LMO7: variants seen among roughly 807,000 people sequenced by gnomAD.
LMO7 encodes LIM domain only protein 7.
In LMO7, 120 loss-of-function variants were observed where a neutral mutation model predicts 206.5. That is an observed-to-expected ratio of 0.58 (90% CI 0.50 to 0.68). The LOEUF is 0.68. Among genes scored for constraint, LMO7 ranks in the 30% least tolerant of loss-of-function variants. The pLI is 0.00. For missense variants in LMO7, 1,959 were observed against 1,957.9 expected (o/e 1.00, Z -0.01); for synonymous variants, 706 against 681.5 (o/e 1.04, Z -0.56).
chr13:75,732,000 A>G (rs945616867), intron 3 of LMO7, among the ~76,000 whole-genome samples: 2 of 152,150 alleles, frequency 1.3e-5, no homozygotes, highest in African/African-American at 2.4e-5. Context: ...ATCCGCTGTT[A>G]GTCTGATGGG....
intron 4 of LMO7, among the ~76,000 whole-genome samples, chr13:75,781,926 T>C (rs2051520327): frequency 6.6e-6 from 1 of 152,232 alleles, no homozygotes; most frequent in Non-Finnish European, 1.5e-5. Flanking sequence ...AAATATCTTC[T>C]TTTGAGAAGT....
Position 75,800,556 on chromosome 13 carries a change from GA to G in LMO7, c.463-125del, listed in dbSNP as rs1484349130. ...TCAGCTTTTTGCTGTGTCCGACAGA[GA>G]AACCTCATGCCTTACATGTCAAATA... On this transcript the variant is annotated intron_variant, in intron 6 of 30. Coordinates refer to ENST00000377534, the MANE Select transcript of LMO7 (RefSeq NM_001306080.2). The G allele has an allele frequency of 3.5e-5, 27 of 782,196 alleles. No homozygotes were observed. The African/African-American group carries it at 3.8e-4, about 11-fold the overall frequency. 48.5% of individuals were successfully genotyped at this position (782,196 alleles called of 1,614,324 possible).
chr13:75,737,866 A>T (rs1177575045), intron 3 of LMO7, among the ~76,000 whole-genome samples: 1 of 142,368 alleles, frequency 7.0e-6, no homozygotes, highest in Non-Finnish European at 1.5e-5. Flanking sequence ...AAAAAAAAAC[A>T]CAGTACAAAA....
chr13:75,704,988 A>G (rs1489471471), intron 1 of LMO7, among the ~76,000 whole-genome samples: 4 of 152,240 alleles, frequency 2.6e-5, no homozygotes, highest in Non-Finnish European at 4.4e-5. Flanking sequence ...TTTCTTCTAC[A>G]GAACCTGTTT....
intron 1 of LMO7, among the ~76,000 whole-genome samples, chr13:75,697,833 CT>C (rs1470540935): frequency 6.6e-6 from 1 of 152,172 alleles, no homozygotes; most frequent in Non-Finnish European, 1.5e-5. Context: ...GTCAGTGTAT[CT>C]ACTTTTGAGA....
intron 1 of LMO7, among the ~76,000 whole-genome samples, chr13:75,710,513 C>T (rs1485400262): frequency 2.6e-5 from 4 of 151,874 alleles, no homozygotes; most frequent in Non-Finnish European, 5.9e-5. Flanking sequence ...AGGTCCTTCA[C>T]ATCCCTTGTA....
intron 1 of LMO7, among the ~76,000 whole-genome samples, chr13:75,679,196 C>T (rs2040275978): frequency 6.6e-6 from 1 of 152,144 alleles, no homozygotes; most frequent in African/African-American, 2.4e-5. Context: ...AATAGACTAG[C>T]TGCATGTGTT....
At chr13:75,829,439 A>G (rs1159197416) in intron 15 of LMO7, among the ~76,000 whole-genome samples, 1 of 152,110 alleles carries the variant, frequency 6.6e-6, no homozygotes, top group Non-Finnish European at 1.5e-5. Context: ...GAGATGGATC[A>G]GGATTTAGAG....
At chr13:75,673,361 G>A (rs939659751) in intron 1 of LMO7, among the ~76,000 whole-genome samples, 2 of 152,136 alleles carry the variant, frequency 1.3e-5, no homozygotes, top group African/African-American at 4.8e-5. Context: ...GCTTGGGGTG[G>A]CCATGTGTCC....
intron 12 of LMO7, among the ~76,000 whole-genome samples, chr13:75,818,904 T>C (rs2057316340): frequency 6.6e-6 from 1 of 152,208 alleles, no homozygotes; most frequent in Non-Finnish European, 1.5e-5. Flanking sequence ...ATGTGTGTAT[T>C]AATAGTTCCT....
intron 9 of LMO7, chr13:75,807,199 T>A: frequency 2.8e-6 from 1 of 352,454 alleles, no homozygotes; most frequent in Non-Finnish European, 5.2e-6. Flanking sequence ...GGGTACCTAG[T>A]CCATGCTCCA....
At chr13:75,823,262 A>G (rs2057784192) in intron 14 of LMO7, among the ~76,000 whole-genome samples, 1 of 152,180 alleles carries the variant, frequency 6.6e-6, no homozygotes. Flanking sequence ...ATATATGGCA[A>G]TTTCATTTTA....
intron 4 of LMO7, among the ~76,000 whole-genome samples, chr13:75,776,630 T>C (rs546189892): frequency 2.6e-5 from 4 of 152,298 alleles, no homozygotes; most frequent in Non-Finnish European, 5.9e-5. Flanking sequence ...GAGATAAATA[T>C]AGTGTAAAAA....
chr13:75,692,614 G>A (rs2041584250), intron 1 of LMO7, among the ~76,000 whole-genome samples: 1 of 152,084 alleles, frequency 6.6e-6, no homozygotes, highest in Admixed American at 6.6e-5. Flanking sequence ...TTACAAGTAT[G>A]AGCCACTGCA....
chr13:75,754,698 C>T (rs891641827), intron 3 of LMO7, among the ~76,000 whole-genome samples: 1 of 152,148 alleles, frequency 6.6e-6, no homozygotes, highest in Admixed American at 6.5e-5. Context: ...TTCCCAAGCA[C>T]TTACATTACT....
intron 1 of LMO7, among the ~76,000 whole-genome samples, chr13:75,666,454 C>T (rs1039964669): frequency 6.6e-6 from 1 of 152,196 alleles, no homozygotes; most frequent in Non-Finnish European, 1.5e-5. Context: ...GTTCTCATTT[C>T]TGCTCTGTTC....
At chr13:75,856,474 A>T in intron 29 of LMO7, 32 bp from the exon 30 acceptor site, 1 of 1,291,416 alleles carries the variant, frequency 7.7e-7, no homozygotes, top group Non-Finnish European at 1.1e-6. Context: ...GAGCTGACTG[A>T]TTGTAGATGT....
chr13:75,739,593 T>C (rs2046253065), intron 3 of LMO7, among the ~76,000 whole-genome samples: 1 of 152,216 alleles, frequency 6.6e-6, no homozygotes, highest in African/African-American at 2.4e-5. Flanking sequence ...CTAATGTTCT[T>C]GTACCTGTGT....
At chr13:75,813,012 A>T (rs894882544) in intron 11 of LMO7, among the ~76,000 whole-genome samples, 1 of 152,226 alleles carries the variant, frequency 6.6e-6, no homozygotes, top group Non-Finnish European at 1.5e-5. Context: ...GGAGATAGAG[A>T]AACAAATATT....
Sources: allele counts gnomAD v4.1 joint callset (sites outside exome capture counted in the v4.1 genomes callset), GRCh38; gene constraint gnomAD v4.1.1; transcripts MANE v1.5; gene names NCBI Gene and HGNC (gene_info 2026-07-23, HGNC 2026-07-21).